The following POLR1C variants were observed in gnomAD, a reference collection of about 807,000 sequenced individuals.
POLR1C encodes the protein DNA-directed RNA polymerases I and III subunit RPAC1.
A neutral mutation model predicts 38.3 loss-of-function variants in POLR1C; 42 were observed. The ratio of observed to expected loss-of-function variants is 1.10; its 90% CI spans 0.86 to 1.42. POLR1C has a LOEUF of 1.42. Ranked by LOEUF, POLR1C falls within the 40% of genes most tolerant of loss-of-function variation. The probability of loss-of-function intolerance (pLI) is 0.00; values close to 1 mark genes in which losing one functional copy is unlikely to be tolerated. For missense variants in POLR1C, 507 were observed against 450.5 expected (o/e 1.13, Z -1.14); for synonymous variants, 163 against 163.9 (o/e 0.99, Z 0.04).
chr6:43,526,701 G>C, intron 8 of POLR1C: 1 of 1,613,924 alleles, frequency 6.2e-7, no homozygotes, highest in East Asian at 2.2e-5. Flanking sequence ...CATCTGCTGG[G>C]GGAGCACTAC....
At chr6:43,525,406 G>A (rs377748198), downstream of POLR1C, 44 of 596,364 alleles carry the variant, frequency 7.4e-5, no homozygotes, top group East Asian at 6.0e-4. Context: ...CCGAATAGCT[G>A]GGACTACAGG....
chr6:43,539,843 A>T, intron 9 of POLR1C: 1 of 516,568 alleles, frequency 1.9e-6, no homozygotes, highest in African/African-American at 2.0e-5. Context: ...GGTCTAATTT[A>T]ACTACTACCA....
intron 9 of POLR1C, chr6:43,539,826 GT>G (rs1274562029): frequency 1.5e-5 from 8 of 526,414 alleles, no homozygotes; most frequent in Non-Finnish European, 6.6e-6. Context: ...TAGGCCTGGA[GT>G]TTTTTGGTCT....
rs561444267 is a variant in POLR1C at position 43,553,823 on chromosome 6, T to C, written c.*48+2812T>C. 74 of 197,574 alleles carry C rather than the reference T, an allele frequency of 3.7e-4. 1 individual carries two copies. The highest frequency in any genetic ancestry group is 5.9e-4 in the Non-Finnish European group (60 of 101,032). The allele number at this position is 197,574 out of a possible 1,614,324, so 12.2% of individuals were successfully genotyped here. On this transcript the variant is annotated intron_variant, in intron 10 of 10. Transcript: ENST00000607635. ...AATACGCAGGTGAACATCAAAAACA[T>C]TGCCTGGCCCATTAGTAGGCACTTG...
At chr6:43,545,921 T>A (rs1194013174) in intron 9 of POLR1C, among the ~76,000 whole-genome samples, 2 of 152,128 alleles carry the variant, frequency 1.3e-5, no homozygotes, top group African/African-American at 2.4e-5. Context: ...TTCTGAATGT[T>A]TAATGTGTAT....
At chr6:43,524,282 G>A (rs1175067120), downstream of POLR1C, among the ~76,000 whole-genome samples, 1 of 151,746 alleles carries the variant, frequency 6.6e-6, no homozygotes, top group African/African-American at 2.4e-5. Flanking sequence ...AACCTGGGAG[G>A]CGGAGGTTGT....
At chr6:43,530,951 T>C (rs1793935955), downstream of POLR1C, 9 of 1,206,870 alleles carry the variant, frequency 7.5e-6, no homozygotes, top group South Asian at 1.5e-4. Flanking sequence ...TTGTATTTAC[T>C]TAAGAGAACT....
intron 10 of POLR1C, among the ~76,000 whole-genome samples, chr6:43,557,679 T>A (rs1056197044): frequency 1.3e-5 from 2 of 151,300 alleles, no homozygotes; most frequent in African/African-American, 4.9e-5. Flanking sequence ...TAAAATTGAT[T>A]GTGGTGATGG....
rs1793749604 is a variant in POLR1C at position 43,528,636 on chromosome 6, A to G, written c.923-613A>G. Among the ~76,000 whole-genome samples, 3 of 152,260 alleles carry G rather than the reference A, an allele frequency of 2.0e-5. No individual in the cohort carries two copies. The South Asian group carries it at 6.2e-4, about 32-fold the overall frequency. Reference sequence around the variant, plus strand: ...CTGCAACTGAAGCTGTCTTGTGGCAATTAAATCAGTTTAGTTCTTTGGGGG... The same window carrying G: ...CTGCAACTGAAGCTGTCTTGTGGCAGTTAAATCAGTTTAGTTCTTTGGGGG... On this transcript the variant is annotated intron_variant, in intron 8 of 8. Coordinates refer to the POLR1C transcript ENST00000304004.
At chr6:43,547,802 T>A in intron 9 of POLR1C, 1 of 1,051,800 alleles carries the variant, frequency 9.5e-7, no homozygotes, top group Non-Finnish European at 1.4e-6. Context: ...ATTTGGCCCT[T>A]AAGAGCAGTT....
chr6:43,532,530 C>T (rs934329459), downstream of POLR1C, among the ~76,000 whole-genome samples: 2 of 152,208 alleles, frequency 1.3e-5, no homozygotes, highest in African/African-American at 2.4e-5. Flanking sequence ...TCCCTGTGCT[C>T]CAGCCACATG....
At chr6:43,553,310 AAG>A (rs758913460) in intron 10 of POLR1C, 7 of 1,539,094 alleles carry the variant, frequency 4.5e-6, no homozygotes, top group Non-Finnish European at 5.3e-6. Flanking sequence ...CCAAAATAGA[AAG>A]AGAAAAGAAA....
chr6:43,528,970 C>T, intron 8 of POLR1C: 1 of 1,560,898 alleles, frequency 6.4e-7, no homozygotes, highest in Non-Finnish European at 8.7e-7. Context: ...GCACACATCT[C>T]TCACCTGCCA....
In POLR1C at chr6:43,539,323, A is replaced by C. The variant is rs543256548; in HGVS notation, c.*4+9964A>C. On this transcript the variant is annotated intron_variant, in intron 9 of 10. Coordinates refer to the POLR1C transcript ENST00000607635. ...GGCCACTGTAGTCCCCGATAGCAAC[A>C]AACGCCTTGAACCTGGTGCGCTGGC... 3.0e-4 allele frequency: 474 copies of C among 1,572,314 alleles called. No individual in the cohort carries two copies. In the African/African-American group the frequency reaches 5.3e-3, roughly 18 times the overall value.
downstream of POLR1C, chr6:43,523,059 C>G (rs1276045145): frequency 3.1e-5 from 5 of 163,164 alleles, no homozygotes; most frequent in Admixed American, 1.8e-4. Flanking sequence ...CTGTATTATC[C>G]TTGGATGACA....
At chr6:43,561,601 A>G (rs981113637) in exon 11 of POLR1C, 3 of 152,526 alleles carry the variant, frequency 2.0e-5, no homozygotes, top group African/African-American at 7.3e-5. Context: ...CTAGTCTCAA[A>G]CTCTTGACCT....
chr6:43,532,995 A>C (rs973965860), downstream of POLR1C, among the ~76,000 whole-genome samples: 4 of 151,928 alleles, frequency 2.6e-5, no homozygotes, highest in African/African-American at 7.3e-5. Flanking sequence ...AAATACAAAA[A>C]ATTAGCCGGG....
chr6:43,520,893 T>C (rs759946050), intron 7 of POLR1C, 39 bp from the exon 8 acceptor site: 56 of 1,607,932 alleles, frequency 3.5e-5, no homozygotes, highest in Non-Finnish European at 4.8e-5. Context: ...AGTGGCAAAT[T>C]AGAAAAAGGA....
At chr6:43,551,063 T>C (rs1795204501) in intron 10 of POLR1C, 1 of 341,932 alleles carries the variant, frequency 2.9e-6, no homozygotes, top group African/African-American at 2.1e-5. Flanking sequence ...TGTTTATTAG[T>C]TTGCCTCACA....
Sources: gnomAD v4.1 joint callset for allele counts (sites outside exome capture counted in the v4.1 genomes callset) on GRCh38, gnomAD v4.1.1 for gene constraint, MANE v1.5 for transcripts, NCBI Gene and HGNC (gene_info 2026-07-23, HGNC 2026-07-21) for gene names.